TC2N: variants seen among roughly 807,000 people sequenced by gnomAD.
The protein encoded by TC2N is tandem C2 domains, nuclear.
A neutral mutation model predicts 61.9 loss-of-function variants in TC2N; 51 were observed. The observed-to-expected ratio is 0.82, with a 90% CI of 0.66 to 1.04. TC2N has a LOEUF of 1.04. Among genes scored for constraint, TC2N ranks in the 50% least tolerant of loss-of-function variants. The probability of loss-of-function intolerance (pLI) is 0.00; values close to 1 mark genes in which losing one functional copy is unlikely to be tolerated. For synonymous variants in TC2N, 204 were observed against 192.6 expected (o/e 1.06, Z -0.49); for missense variants, 556 against 566.7 (o/e 0.98, Z 0.19).
intron 1 of TC2N, among the ~76,000 whole-genome samples, chr14:91,825,142 C>T (rs767121726): frequency 2.7e-5 from 4 of 148,558 alleles, no homozygotes; most frequent in Non-Finnish European, 5.9e-5. Context: ...TCAAGCAATT[C>T]CCTGCCTCAG....
chr14:91,829,091 T>C lies in TC2N; in HGVS notation c.-56-15266A>G, dbSNP rs549790785. 4.3e-3 allele frequency among the ~76,000 whole-genome samples: 659 copies of C among 152,082 alleles called. 7 individuals are homozygous for C. Among genetic ancestry groups the C allele is most frequent in the African/African-American group, 0.015 (625 of 41,542 alleles). ...ATCTTTTGTCTAGGCCCTAAAGTAA[T>C]GTTAAGATTTTTCTCTTTGCCTTTG... On this transcript the variant is annotated intron_variant, in intron 1 of 11. Transcript: ENST00000435962.
chr14:91,854,546 CAT>C (rs1888445776), intron 1 of TC2N, among the ~76,000 whole-genome samples: 1 of 150,194 alleles, frequency 6.7e-6, no homozygotes, highest in Admixed American at 6.6e-5. Flanking sequence ...GGGGGTAAAA[CAT>C]AAGAGATTCC....
chr14:91,830,448 A>G (rs746975575), intron 1 of TC2N, among the ~76,000 whole-genome samples: 10 of 152,250 alleles, frequency 6.6e-5, no homozygotes, highest in Non-Finnish European at 1.3e-4. Context: ...AGTGAGACAT[A>G]AAAGACCACA....
chr14:91,854,554 A>T (rs1227075890), intron 1 of TC2N, among the ~76,000 whole-genome samples: 1 of 151,668 alleles, frequency 6.6e-6, no homozygotes, highest in Non-Finnish European at 1.5e-5. Flanking sequence ...AACATAAGAG[A>T]TTCCTATTTG....
intron 1 of TC2N, among the ~76,000 whole-genome samples, chr14:91,845,865 T>C (rs919529949): frequency 1.3e-5 from 2 of 152,254 alleles, no homozygotes; most frequent in Non-Finnish European, 2.9e-5. Context: ...CTATCCAGCC[T>C]CTGGGCTCAG....
intron 1 of TC2N, among the ~76,000 whole-genome samples, chr14:91,859,135 G>C (rs554057591): frequency 3.3e-5 from 5 of 152,084 alleles, no homozygotes; most frequent in Admixed American, 6.5e-5. Flanking sequence ...CCCAGAGCTC[G>C]GTCTCTAGCA....
Position 91,789,578 on chromosome 14 carries a change from T to C in TC2N, c.1048-1951A>G, listed in dbSNP as rs528173057. Among the ~76,000 whole-genome samples the C allele has an allele frequency of 3.3e-5, 5 of 149,706 alleles. No homozygotes were observed. In the South Asian group the frequency reaches 1.1e-3, roughly 32 times the overall value. The stretch of plus-strand genomic sequence containing the variant: ...GTGAGCCGAGATTGCACCACTGCAC[T>C]CCAGCCTGGGCGACAGAGAGAGACT... On this transcript the variant is annotated intron_variant, in intron 9 of 11. Coordinates refer to ENST00000435962, the MANE Select transcript of TC2N (RefSeq NM_001128596.3).
intron 7 of TC2N, 133 bp downstream of exon 7, chr14:91,798,165 TG>T: frequency 1.0e-5 from 6 of 573,794 alleles, no homozygotes; most frequent in Non-Finnish European, 1.2e-5. Context: ...TACTATTTTC[TG>T]TAAAAATATT....
chr14:91,822,107 A>T (rs1235277423), intron 1 of TC2N, among the ~76,000 whole-genome samples: 4 of 152,228 alleles, frequency 2.6e-5, no homozygotes, highest in African/African-American at 9.6e-5. Context: ...TCTAAAGTTG[A>T]ACATATACCT....
Position 91,792,506 on chromosome 14 carries a change from T to C in TC2N, c.908A>G (p.Gln303Arg). The C allele has an allele frequency of 6.3e-7, 1 of 1,599,248 alleles. No individual in the cohort carries two copies. Among genetic ancestry groups the C allele is most frequent in the Non-Finnish European group, 8.5e-7 (1 of 1,171,216 alleles). The change falls in exon 9 of 12, where the codon CAA (glutamine) becomes CGA (arginine). Residue 303 changes from glutamine (Q) to arginine (R), a missense_variant. By Grantham distance (43) the Gln-to-Arg change is conservative. Coordinates refer to ENST00000435962, the MANE Select transcript of TC2N (RefSeq NM_001128596.3). ...AATCTTAAATACAAGTCTTACAGTT[T>C]GTAGATTTTGAAGTTTAATAGCAAA... Reference protein sequence around the residue: ...FVFAIKLQNLQTVRLVFKIQT... With the variant: ...FVFAIKLQNLRTVRLVFKIQT...
intron 1 of TC2N, among the ~76,000 whole-genome samples, chr14:91,865,757 G>A (rs1303240751): frequency 6.6e-6 from 1 of 152,072 alleles, no homozygotes; most frequent in Non-Finnish European, 1.5e-5. Context: ...GTATAAAACA[G>A]ATGTCTTAAT....
chr14:91,841,471 C>T (rs945661498), intron 1 of TC2N, among the ~76,000 whole-genome samples: 1 of 152,174 alleles, frequency 6.6e-6, no homozygotes, highest in African/African-American at 2.4e-5. Context: ...AGAGCCACTC[C>T]CTCTGAAGAT....
rs1886828450 is a variant in TC2N at position 91,812,543 on chromosome 14, A to T, written c.70T>A (p.Ser24Thr). The T allele has an allele frequency of 1.3e-6, 2 of 1,528,276 alleles. No individual in the cohort carries two copies. The highest frequency in any genetic ancestry group is 1.8e-6 in the Non-Finnish European group (2 of 1,110,704). The allele number at this position is 1,528,276 out of a possible 1,614,324, so 94.7% of individuals were successfully genotyped here. ...GCTGCTTTAAAATCTCTTTCCACAG[A>T]AACTGCATATAAAAGAAAAAAAAAG... ...FYGETEKHNFSVERDFKAAVP... is the reference protein window; with the variant it reads ...FYGETEKHNFTVERDFKAAVP... Residue 24 changes from serine (S) to threonine (T), a missense_variant and splice_region_variant, in exon 3 of 12, where the codon TCT becomes ACT. Coordinates refer to ENST00000435962, the MANE Select transcript of TC2N (RefSeq NM_001128596.3).
intron 11 of TC2N, among the ~76,000 whole-genome samples, chr14:91,783,886 G>T (rs956311174): frequency 6.6e-6 from 1 of 152,114 alleles, no homozygotes; most frequent in African/African-American, 2.4e-5. Context: ...CTGAGATTCA[G>T]TTTCTAAGAG....
At position 91,864,207 on chromosome 14, in the gene TC2N, G is replaced by C. The variant is rs1275404185; in HGVS notation, c.-57+3055C>G. Among the ~76,000 whole-genome samples, 3 of 152,156 alleles carry C rather than the reference G, an allele frequency of 2.0e-5. No homozygotes were observed. In the East Asian group the frequency reaches 5.8e-4, roughly 29 times the overall value. ...CGCAACTCTAACTTCCCTGGCTATT[G>C]TTTTAAGCTACTATTACCTTCTTGT... On this transcript the variant is annotated intron_variant, in intron 1 of 11. Transcript: ENST00000435962.
chr14:91,863,197 C>T (rs191427206), intron 1 of TC2N, among the ~76,000 whole-genome samples: 8 of 152,344 alleles, frequency 5.3e-5, no homozygotes, highest in Admixed American at 2.6e-4. Context: ...TATGAGGTTA[C>T]AGCATCACCA....
chr14:91,812,227 A>G (rs1886800537), intron 3 of TC2N, 85 bp downstream of exon 3: 1 of 683,474 alleles, frequency 1.5e-6, no homozygotes, highest in Non-Finnish European at 2.1e-6. Flanking sequence ...ATTTTATATG[A>G]ATTTTGTATT....
chr14:91,847,427 T>C (rs1283876523), intron 1 of TC2N, among the ~76,000 whole-genome samples: 2 of 152,190 alleles, frequency 1.3e-5, no homozygotes, highest in Non-Finnish European at 2.9e-5. Flanking sequence ...TGCTATGTGA[T>C]GGCCAATGCT....
At chr14:91,851,035 C>T (rs574189253) in intron 1 of TC2N, among the ~76,000 whole-genome samples, 3 of 152,248 alleles carry the variant, frequency 2.0e-5, no homozygotes, top group East Asian at 1.9e-4. Flanking sequence ...AGGGCTCCCA[C>T]TGATTCTACA....
Sources: allele counts gnomAD v4.1 joint callset (sites outside exome capture counted in the v4.1 genomes callset), GRCh38; gene constraint gnomAD v4.1.1; transcripts MANE v1.5; gene names NCBI Gene and HGNC (gene_info 2026-07-23, HGNC 2026-07-21).